The following ZNF268 variants were observed in gnomAD, a reference collection of about 807,000 sequenced individuals.
ZNF268 encodes zinc finger protein 268.
ZNF268 carries 20 observed loss-of-function variants against 29.3 expected under a neutral mutation model. That is an observed-to-expected ratio of 0.68 (90% CI 0.48 to 0.99). The LOEUF is 0.99. ZNF268 is among the 50% of genes least tolerant of loss of function. The pLI, the probability that ZNF268 is intolerant of heterozygous loss-of-function variation, is 0.00. For synonymous variants in ZNF268, 429 were observed against 376.9 expected, an observed-to-expected ratio of 1.14 and a Z score of -1.60; for missense variants, 1,240 against 1,121.6, an observed-to-expected ratio of 1.11 and a Z score of -1.51.
At position 133,191,545 on chromosome 12, in the gene ZNF268, G is replaced by T; in HGVS notation, c.291G>T (p.Leu97=). The change falls in exon 4 of 6, where the codon CTG becomes CTT. Residue 97 remains leucine (L), a synonymous_variant. Transcript: ENST00000536435. ...ATTTTACCTGGGAGGAGTGGCAGCT[G>T]CTAGACCCAGCACAGAAGTGCCTGT... The part of the protein sequence containing the change: ...FVDFTWEEWQ[L]LDPAQKCLYR... 4 of 1,613,998 alleles carry T rather than the reference G, an allele frequency of 2.5e-6. No individual in the cohort carries two copies. The highest frequency in any genetic ancestry group is 2.5e-6 in the Non-Finnish European group (3 of 1,179,934).
chr12:133,187,715 A>G (rs1956358595), intron 2 of ZNF268, 157 bp from the exon 3 acceptor site: 1 of 703,782 alleles, frequency 1.4e-6, no homozygotes. Context: ...CCTTGTCAGG[A>G]AGCCATTTCT....
At chr12:133,194,002 AT>A (rs573724851) in intron 5 of ZNF268, among the ~76,000 whole-genome samples, 27 of 152,164 alleles carry the variant, frequency 1.8e-4, no homozygotes, top group African/African-American at 6.0e-4. Context: ...TCCCTTACTA[AT>A]TTTGGTACAG....
chr12:133,202,423 TA>T lies in ZNF268; in HGVS notation c.741del (p.Lys247AsnfsTer46), dbSNP rs1956776296. On this transcript the variant is annotated frameshift_variant, in exon 6 of 6. Coordinates refer to ENST00000536435, the MANE Select transcript of ZNF268 (RefSeq NM_003415.3). LOFTEE classifies it low-confidence loss of function (END_TRUNC). ...HSKHEQTVIG[I>X]KYCESIESGK... ...AAACATGAGCAAACTGTTATTGGAA[TA>T]AAATACTGTGAAAGTATTGAATCTG... 1.2e-6 allele frequency: 2 copies of T among 1,610,664 alleles called. No homozygotes were observed. Among genetic ancestry groups the T allele is most frequent in the South Asian group, 2.2e-5 (2 of 90,760 alleles).
intron 5 of ZNF268, among the ~76,000 whole-genome samples, chr12:133,199,170 G>T (rs1010946764): frequency 6.6e-6 from 1 of 152,148 alleles, no homozygotes; most frequent in African/African-American, 2.4e-5. Flanking sequence ...TTGGCTGTGG[G>T]TTTGTCATAG....
Position 133,214,831 on chromosome 12 carries a change from C to A in ZNF268, c.*10301C>A, listed in dbSNP as rs1455147444. 6.6e-6 allele frequency: 1 copy of A among 152,214 alleles called. No individual in the cohort carries two copies. The highest frequency in any genetic ancestry group is 1.5e-5 in the Non-Finnish European group (1 of 68,046). The allele number at this position is 152,214 out of a possible 1,614,324, so 9.4% of individuals were successfully genotyped here. ...CTCAATAAAAAAATCTAGTCCACAG[C>A]ATTCCCTCACCAGGGTCAGCCCTCT... is the stretch of plus-strand genomic sequence containing the variant. On this transcript the variant is annotated 3_prime_UTR_variant, in exon 6 of 6. Transcript: ENST00000536435.
intron 5 of ZNF268, among the ~76,000 whole-genome samples, chr12:133,194,726 G>A (rs1031023571): frequency 1.3e-5 from 2 of 152,166 alleles, no homozygotes; most frequent in Non-Finnish European, 2.9e-5. Flanking sequence ...TCACTTCCCT[G>A]ACTGAAGCAC....
chr12:133,192,763 G>T (rs1446113242), intron 5 of ZNF268, among the ~76,000 whole-genome samples: 1 of 151,666 alleles, frequency 6.6e-6, no homozygotes, highest in Non-Finnish European at 1.5e-5. Flanking sequence ...TCTGCCTCCC[G>T]GGTCTCCTGC....
In ZNF268 at chr12:133,212,009, G is replaced by C. The variant is rs1192190160; in HGVS notation, c.*7479G>C. 2.6e-5 allele frequency: 4 copies of C among 152,172 alleles called. No individual in the cohort carries two copies. Among genetic ancestry groups the C allele is most frequent in the African/African-American group, 9.7e-5 (4 of 41,436 alleles). 9.4% of individuals were successfully genotyped at this position (152,172 alleles called of 1,614,324 possible). On this transcript the variant is annotated 3_prime_UTR_variant, in exon 6 of 6. Coordinates refer to ENST00000536435, the MANE Select transcript of ZNF268 (RefSeq NM_003415.3). ...AATAGGTGAATGACTAACTAGGCTG[G>C]GGTACATCCATGCAATGGAGTCCTG...
chr12:133,210,663 A>G lies in ZNF268; in HGVS notation c.*6133A>G. ...TGCCCTCGGGGGTCTCCGGGTCCTGAGTAGAAGCAAGGTCTGTTTGTCACT... is the reference window on the plus strand; with the variant it reads ...TGCCCTCGGGGGTCTCCGGGTCCTGGGTAGAAGCAAGGTCTGTTTGTCACT... On this transcript the variant is annotated 3_prime_UTR_variant, in exon 6 of 6. Transcript: ENST00000536435. The G allele has an allele frequency of 2.8e-6, 1 of 359,044 alleles. No individual in the cohort carries two copies. Among genetic ancestry groups the G allele is most frequent in the Non-Finnish European group, 5.5e-6 (1 of 180,190 alleles). 22.2% of individuals were successfully genotyped at this position (359,044 alleles called of 1,614,324 possible).
chr12:133,196,424 G>GT (rs1267862120), intron 5 of ZNF268, among the ~76,000 whole-genome samples: 3 of 151,018 alleles, frequency 2.0e-5, no homozygotes, highest in Non-Finnish European at 4.4e-5. Context: ...GTATAATCCT[G>GT]TTTTTGCCAT....
Position 133,204,172 on chromosome 12 carries a change from C to T in ZNF268, c.2486C>T (p.Thr829Ile). The change falls in exon 6 of 6, where the codon ACT (threonine) becomes ATT (isoleucine). Residue 829 changes from threonine (T) to isoleucine (I), a missense_variant. Coordinates refer to ENST00000536435, the MANE Select transcript of ZNF268 (RefSeq NM_003415.3). ...TCACTACTCATTGTACATGAGCGAACTCATGCAGGGGTCAACCCTTATAAA... is the reference window on the plus strand; with the variant it reads ...TCACTACTCATTGTACATGAGCGAATTCATGCAGGGGTCAACCCTTATAAA... ...WKSLLIVHER[T>I]HAGVNPYKCS... 6.5e-7 allele frequency: 1 copy of T among 1,541,500 alleles called. No individual in the cohort carries two copies. The highest frequency in any genetic ancestry group is 8.7e-7 in the Non-Finnish European group (1 of 1,147,234).
intron 1 of ZNF268, 48 bp from the exon 2 acceptor site, chr12:133,181,898 T>A: frequency 7.5e-7 from 1 of 1,340,230 alleles, no homozygotes; most frequent in Non-Finnish European, 1.0e-6. Context: ...CCCTCTGGGT[T>A]TGGGGACTGC....
rs142266905 is a variant in ZNF268 at position 133,210,654 on chromosome 12, C to T, written c.*6124C>T. ...ACTGTGAAGTGCCCTCGGGGGTCTC[C>T]GGGTCCTGAGTAGAAGCAAGGTCTG... On this transcript the variant is annotated 3_prime_UTR_variant, in exon 6 of 6. Coordinates refer to ENST00000536435, the MANE Select transcript of ZNF268 (RefSeq NM_003415.3). 724 of 354,576 alleles carry T rather than the reference C, an allele frequency of 2.0e-3. 6 individuals are homozygous for T. Among genetic ancestry groups the T allele is most frequent in the African/African-American group, 0.014 (650 of 46,668 alleles). 22.0% of individuals were successfully genotyped at this position (354,576 alleles called of 1,614,324 possible).
rs1956951526 is a variant in ZNF268 at position 133,209,699 on chromosome 12, A to G, written c.*5169A>G. Reference sequence around the variant, plus strand: ...AAATTGGCCAGCTGTGGTGGCATGCATCTATAATCCAAGCTACTCAGGAGA... The same window carrying G: ...AAATTGGCCAGCTGTGGTGGCATGCGTCTATAATCCAAGCTACTCAGGAGA... On this transcript the variant is annotated 3_prime_UTR_variant, in exon 6 of 6. Transcript: ENST00000536435. 6.6e-6 allele frequency: 1 copy of G among 152,144 alleles called. No homozygotes were observed. Among genetic ancestry groups the G allele is most frequent in the Admixed American group, 6.5e-5 (1 of 15,272 alleles). The allele number at this position is 152,144 out of a possible 1,614,324, so 9.4% of individuals were successfully genotyped here. A position where few individuals can be genotyped will look rare whatever the true frequency, so the allele number is the denominator to read the frequency against.
At chr12:133,193,290 G>T in intron 5 of ZNF268, 1 of 476,578 alleles carries the variant, frequency 2.1e-6, no homozygotes, top group South Asian at 3.3e-5. Flanking sequence ...CTATGGTTGT[G>T]CCACTAGACT....
intron 2 of ZNF268, among the ~76,000 whole-genome samples, chr12:133,186,869 C>T (rs144703770): frequency 3.9e-5 from 6 of 152,290 alleles, no homozygotes; most frequent in South Asian, 2.1e-4. Flanking sequence ...CACACACATG[C>T]GTATACGTAT....
chr12:133,207,783 G>C lies in ZNF268; in HGVS notation c.*3253G>C, dbSNP rs1464838559. ...AGATCGTACCACTGTACTCCACCCT[G>C]GGTGACAGAACTAGACCCTGTCTCA... On this transcript the variant is annotated 3_prime_UTR_variant, in exon 6 of 6. Coordinates refer to ENST00000536435, the MANE Select transcript of ZNF268 (RefSeq NM_003415.3). 1 of 152,138 alleles carries C rather than the reference G, an allele frequency of 6.6e-6. No individual in the cohort carries two copies. The highest frequency in any genetic ancestry group is 1.9e-4 in the East Asian group (1 of 5,192). The allele number at this position is 152,138 out of a possible 1,614,324, so 9.4% of individuals were successfully genotyped here.
Position 133,204,075 on chromosome 12 carries a change from A to T in ZNF268, c.2389A>T (p.Ile797Leu). The T allele has an allele frequency of 6.4e-7, 1 of 1,554,796 alleles. No individual in the cohort carries two copies. ...TTTTAGCAGCAAGTCATACCTAATT[A>T]TACACATGAGAACTCATTCAGGTGA... Reference protein sequence around the residue: ...KAFSSKSYLIIHMRTHSGEKP... With the variant: ...KAFSSKSYLILHMRTHSGEKP... Residue 797 changes from isoleucine (I) to leucine (L), a missense_variant, in exon 6 of 6, where the codon ATA becomes TTA. Ile to Leu is a conservative substitution (Grantham distance 5). Transcript: ENST00000536435.
chr12:133,202,965 A>G lies in ZNF268; in HGVS notation c.1279A>G (p.Thr427Ala), dbSNP rs1171994385. The change falls in exon 6 of 6, where the codon ACA becomes GCA. Residue 427 changes from threonine to alanine, a missense_variant. By Grantham distance (58) the Thr-to-Ala change is moderately conservative. Coordinates refer to ENST00000536435, the MANE Select transcript of ZNF268 (RefSeq NM_003415.3). The stretch of plus-strand genomic sequence containing the variant: ...CAATGAATGTCAGAAAGCCTTTAAT[A>G]CAAAGTCAAACCTTATGGTACATCA... ...ECNECQKAFN[T>A]KSNLMVHQRT... 6.5e-7 allele frequency: 1 copy of G among 1,547,020 alleles called. No homozygotes were observed. Among genetic ancestry groups the G allele is most frequent in the Non-Finnish European group, 8.7e-7 (1 of 1,151,166 alleles).
Sources: allele counts gnomAD v4.1 joint callset (sites outside exome capture counted in the v4.1 genomes callset), GRCh38; gene constraint gnomAD v4.1.1; transcripts MANE v1.5; gene names NCBI Gene and HGNC (gene_info 2026-07-23, HGNC 2026-07-21).